ZSWIM6: variants seen among roughly 807,000 people sequenced by gnomAD.
ZSWIM6 encodes zinc finger SWIM-type containing 6.
In ZSWIM6, 9 loss-of-function variants were observed where a neutral mutation model predicts 113.2. That is an observed-to-expected ratio of 0.08 (90% CI 0.05 to 0.14). The LOEUF (loss-of-function observed/expected upper bound fraction) is 0.14. Ranked by LOEUF, ZSWIM6 falls within the 10% of genes least tolerant of loss-of-function variation. The pLI is 1.00. For synonymous variants in ZSWIM6, 611 were observed against 606.5 expected (o/e 1.01, Z -0.11); for missense variants, 1,162 against 1,552.2 (o/e 0.75, Z 4.22).
rs1045620613 is a variant in ZSWIM6 at position 61,413,576 on chromosome 5, T to G, written c.677-59105T>G. On this transcript the variant is annotated intron_variant, in intron 1 of 13. Coordinates refer to ENST00000252744, the MANE Select transcript of ZSWIM6 (RefSeq NM_020928.2). ...CTGGGTCAAATGGTATTTCTAGTTC[T>G]AGATCCCTGAGAAATCGCCACACTG... 6.6e-4 allele frequency among the ~76,000 whole-genome samples: 101 copies of G among 152,280 alleles called. 1 individual carries two copies. The Middle Eastern group carries it at 0.034, about 51-fold the overall frequency.
At chr5:61,508,515 A>G (rs906007187) in intron 4 of ZSWIM6, among the ~76,000 whole-genome samples, 2 of 152,178 alleles carry the variant, frequency 1.3e-5, no homozygotes, top group Admixed American at 6.6e-5. Flanking sequence ...TGACATTCTT[A>G]TACTCATTTG....
intron 2 of ZSWIM6, among the ~76,000 whole-genome samples, chr5:61,482,169 C>G (rs1335486575): frequency 6.6e-6 from 1 of 152,182 alleles, no homozygotes; most frequent in Non-Finnish European, 1.5e-5. Context: ...GCAAATCTTA[C>G]ATTTTATATA....
At chr5:61,517,252 A>G (rs193038251) in intron 4 of ZSWIM6, among the ~76,000 whole-genome samples, 114 of 152,202 alleles carry the variant, frequency 7.5e-4, no homozygotes, top group African/African-American at 2.7e-3. Context: ...TTGGGAATCG[A>G]AAGACATAAA....
chr5:61,368,540 C>T lies in ZSWIM6; in HGVS notation c.676+35592C>T, dbSNP rs564248639. On this transcript the variant is annotated intron_variant, in intron 1 of 13. Transcript: ENST00000252744. ...GCCTTTGGTTTTCCCTTATGTTAGC[C>T]CTTGAATTTTTAAATAAATTCTTTT... Among the ~76,000 whole-genome samples, 3 of 152,224 alleles carry T rather than the reference C, an allele frequency of 2.0e-5. No homozygotes were observed. In the East Asian group the frequency reaches 5.8e-4, roughly 29 times the overall value.
At chr5:61,391,119 C>G in intron 1 of ZSWIM6, 1 of 757,314 alleles carries the variant, frequency 1.3e-6, no homozygotes, top group Non-Finnish European at 2.4e-6. Flanking sequence ...CAGTACAGGC[C>G]ACTTTGCACA....
chr5:61,371,777 A>G (rs1745268647), intron 1 of ZSWIM6, among the ~76,000 whole-genome samples: 1 of 152,228 alleles, frequency 6.6e-6, no homozygotes, highest in East Asian at 1.9e-4. Context: ...TCATGTACTC[A>G]TCAGTTTCCT....
chr5:61,452,190 A>G (rs972981120), intron 1 of ZSWIM6, among the ~76,000 whole-genome samples: 1 of 151,726 alleles, frequency 6.6e-6, no homozygotes, highest in Admixed American at 6.6e-5. Context: ...ATATACTGTA[A>G]CCTCCTACTT....
rs2112300858 is a variant in ZSWIM6 at position 61,545,530 on chromosome 5, G to A, written c.*1213G>A. ...ATGATACATTACGCCTTTGCAGTGAGCTAATAATAAGCTAACCTTTGTGCA... is the reference window on the plus strand; with the variant it reads ...ATGATACATTACGCCTTTGCAGTGAACTAATAATAAGCTAACCTTTGTGCA... On this transcript the variant is annotated 3_prime_UTR_variant, in exon 14 of 14. Coordinates refer to ENST00000252744, the MANE Select transcript of ZSWIM6 (RefSeq NM_020928.2). The A allele has an allele frequency of 6.6e-6, 1 of 152,182 alleles. No individual in the cohort carries two copies. The allele number at this position is 152,182 out of a possible 1,614,324, so 9.4% of individuals were successfully genotyped here. A position where few individuals can be genotyped will look rare whatever the true frequency, so the allele number is the denominator to read the frequency against.
At chr5:61,365,692 A>C (rs983018255) in intron 1 of ZSWIM6, among the ~76,000 whole-genome samples, 1 of 152,132 alleles carries the variant, frequency 6.6e-6, no homozygotes, top group African/African-American at 2.4e-5. Flanking sequence ...TTCAGTACTT[A>C]GGTTTGTCTA....
At chr5:61,333,396 C>T (rs922508512) in intron 1 of ZSWIM6, among the ~76,000 whole-genome samples, 1 of 151,764 alleles carries the variant, frequency 6.6e-6, no homozygotes, top group Non-Finnish European at 1.5e-5. Flanking sequence ...GGCCCGGCCG[C>T]TCGGCGCTCC....
intron 9 of ZSWIM6, among the ~76,000 whole-genome samples, chr5:61,534,751 C>T (rs979999899): frequency 1.3e-5 from 2 of 152,152 alleles, no homozygotes; most frequent in East Asian, 1.9e-4. Flanking sequence ...TCTGCCACCA[C>T]GCCTGTCAGA....
intron 1 of ZSWIM6, among the ~76,000 whole-genome samples, chr5:61,444,013 C>T (rs866255229): frequency 2.6e-5 from 4 of 151,818 alleles, no homozygotes; most frequent in South Asian, 4.2e-4. Flanking sequence ...TTGTTACATA[C>T]GTATACGTGT....
chr5:61,465,379 C>G (rs1263991187), intron 1 of ZSWIM6, among the ~76,000 whole-genome samples: 1 of 150,832 alleles, frequency 6.6e-6, no homozygotes, highest in Admixed American at 6.6e-5. Context: ...GGTAGGGAAC[C>G]CTTATGTGCT....
At chr5:61,333,799 C>A (rs971426832) in intron 1 of ZSWIM6, among the ~76,000 whole-genome samples, 10 of 152,142 alleles carry the variant, frequency 6.6e-5, no homozygotes, top group Non-Finnish European at 1.5e-4. Flanking sequence ...CGCGGCGCAG[C>A]CCTTGTGCCC....
chr5:61,428,514 C>T lies in ZSWIM6; in HGVS notation c.677-44167C>T, dbSNP rs145621639. Among the ~76,000 whole-genome samples the T allele has an allele frequency of 3.2e-3, 487 of 150,970 alleles. 2 individuals carry two copies. Among genetic ancestry groups the T allele is most frequent in the African/African-American group, 0.011 (457 of 40,778 alleles). ...AGTAGCTGGGAGTACAGGTGCACAC[C>T]GCTACACGCAGCTAACTTAAAACAA... On this transcript the variant is annotated intron_variant, in intron 1 of 13. Coordinates refer to ENST00000252744, the MANE Select transcript of ZSWIM6 (RefSeq NM_020928.2).
At chr5:61,523,393 A>G (rs954539211) in intron 5 of ZSWIM6, among the ~76,000 whole-genome samples, 2 of 152,234 alleles carry the variant, frequency 1.3e-5, no homozygotes, top group African/African-American at 4.8e-5. Context: ...GAATAACAAC[A>G]TTGCAATCTA....
At chr5:61,461,366 A>G (rs1747320213) in intron 1 of ZSWIM6, among the ~76,000 whole-genome samples, 2 of 152,206 alleles carry the variant, frequency 1.3e-5, no homozygotes, top group African/African-American at 4.8e-5. Context: ...TCCCTTATTT[A>G]ATAAGTGAGA....
intron 5 of ZSWIM6, among the ~76,000 whole-genome samples, chr5:61,523,283 G>C (rs528017586): frequency 6.6e-6 from 1 of 152,224 alleles, no homozygotes; most frequent in Non-Finnish European, 1.5e-5. Flanking sequence ...TGTGCACACA[G>C]TATAGGCCAT....
At chr5:61,502,828 C>T (rs1277680084) in intron 4 of ZSWIM6, among the ~76,000 whole-genome samples, 1 of 152,254 alleles carries the variant, frequency 6.6e-6, no homozygotes, top group East Asian at 1.9e-4. Context: ...GTTGCGTGCT[C>T]CTTATGAGAA....
Sources: gnomAD v4.1 joint callset for allele counts (sites outside exome capture counted in the v4.1 genomes callset) on GRCh38, gnomAD v4.1.1 for gene constraint, MANE v1.5 for transcripts, NCBI Gene and HGNC (gene_info 2026-07-23, HGNC 2026-07-21) for gene names.